The following ROCK1 variants were observed in gnomAD, a reference collection of about 807,000 sequenced individuals.
ROCK1 encodes the protein Rho associated coiled-coil containing protein kinase 1, also known as rho-associated protein kinase 1.
Under a neutral mutation model 196.8 loss-of-function variants are expected in ROCK1, and 36 were observed. The ratio of observed to expected loss-of-function variants is 0.18; its 90% CI spans 0.14 to 0.24. The LOEUF (loss-of-function observed/expected upper bound fraction) is 0.24, where lower values mean the gene tolerates loss of function less well. Ranked by LOEUF, ROCK1 falls within the 10% of genes least tolerant of loss-of-function variation. ROCK1 has a pLI of 1.00. For missense variants in ROCK1, 920 were observed against 1,562.0 expected (o/e 0.59, Z 6.93); for synonymous variants, 443 against 515.9 (o/e 0.86, Z 1.91).
At position 20,970,500 on chromosome 18, in the gene ROCK1, T is replaced by C. The variant is rs756025138; in HGVS notation, c.2668A>G (p.Thr890Ala). ...TTTGTTTCTGCTAGATCCAACTGAG[T>C]AGCAAGAGTTTCTCTGCAACAATTT... ...ELQNEKETLA[T>A]QLDLAETKAE... Residue 890 changes from threonine to alanine, a missense_variant, in exon 23 of 33, where the codon ACT (threonine) becomes GCT (alanine). By Grantham distance (58) the Thr-to-Ala change is moderately conservative. This residue lies in a region of ROCK1 where 520 missense variants were observed against 657.1 expected (regional missense o/e 0.79). Coordinates refer to ENST00000399799, the MANE Select transcript of ROCK1 (RefSeq NM_005406.3). 3 of 1,599,788 alleles carry C rather than the reference T, an allele frequency of 1.9e-6. No individual in the cohort carries two copies. Among genetic ancestry groups the C allele is most frequent in the South Asian group, 2.2e-5 (2 of 89,058 alleles).
intron 27 of ROCK1, among the ~76,000 whole-genome samples, chr18:20,960,466 C>T (rs1352709121): frequency 6.6e-6 from 1 of 151,822 alleles, no homozygotes; most frequent in Non-Finnish European, 1.5e-5. Flanking sequence ...TAACAATACC[C>T]TTAAGAGCCA....
intron 3 of ROCK1, among the ~76,000 whole-genome samples, chr18:21,049,528 AG>A (rs1221492180): frequency 1.3e-5 from 2 of 152,194 alleles, no homozygotes; most frequent in Admixed American, 1.3e-4. Context: ...ACAGCATTTT[AG>A]TCTAATATTA....
intron 1 of ROCK1, among the ~76,000 whole-genome samples, chr18:21,080,741 T>C (rs2143569181): frequency 6.6e-6 from 1 of 152,144 alleles, no homozygotes; most frequent in South Asian, 2.1e-4. Context: ...AAAAAAATGG[T>C]TAACAGACAA....
intron 13 of ROCK1, among the ~76,000 whole-genome samples, chr18:21,014,828 G>A (rs1194547976): frequency 1.3e-5 from 2 of 152,188 alleles, no homozygotes; most frequent in African/African-American, 4.8e-5. Flanking sequence ...AGACTACAGA[G>A]AGTGTATTTC....
intron 2 of ROCK1, among the ~76,000 whole-genome samples, chr18:21,050,097 C>T (rs2036191994): frequency 1.3e-5 from 2 of 152,022 alleles, no homozygotes; most frequent in Non-Finnish European, 1.5e-5. Flanking sequence ...ATTACAACTA[C>T]TAAAGGTTTT....
chr18:20,950,563 AC>A lies in ROCK1; in HGVS notation c.*820del, dbSNP rs2143309631. The A allele has an allele frequency of 6.6e-6, 1 of 152,012 alleles. No homozygotes were observed. The highest frequency in any genetic ancestry group is 1.5e-5 in the Non-Finnish European group (1 of 67,856). The allele number at this position is 152,012 out of a possible 1,614,324, so 9.4% of individuals were successfully genotyped here. ...TAACTTAATGTCTTTATCATTTAAAACCACAAAGAAATACATTATACAATTA... is the reference window on the plus strand; with the variant it reads ...TAACTTAATGTCTTTATCATTTAAAACACAAAGAAATACATTATACAATTA... On this transcript the variant is annotated 3_prime_UTR_variant, in exon 33 of 33. Transcript: ENST00000399799.
intron 21 of ROCK1, 85 bp from the exon 22 acceptor site, chr18:20,980,089 C>T: frequency 7.3e-7 from 1 of 1,373,428 alleles, no homozygotes; most frequent in Non-Finnish European, 9.5e-7. Context: ...AAAAAATTAA[C>T]ATATGATCCA....
intron 16 of ROCK1, among the ~76,000 whole-genome samples, chr18:21,005,133 A>C (rs1442725509): frequency 6.6e-6 from 1 of 152,210 alleles, no homozygotes; most frequent in Non-Finnish European, 1.5e-5. Flanking sequence ...TGCTAACAGG[A>C]ATAGAAAATA....
intron 9 of ROCK1, among the ~76,000 whole-genome samples, chr18:21,038,814 G>A (rs9946941): frequency 0.035 from 5,323 of 152,266 alleles, 325 homozygotes; most frequent in African/African-American, 0.12. Flanking sequence ...CCAAATCCAC[G>A]AAGATGATGA....
intron 1 of ROCK1, among the ~76,000 whole-genome samples, chr18:21,096,483 G>A (rs1042535591): frequency 6.6e-6 from 1 of 152,172 alleles, no homozygotes; most frequent in African/African-American, 2.4e-5. Context: ...TTACAGGCGT[G>A]AGCCACCATG....
chr18:20,959,004 ATT>A (rs1158963040), intron 29 of ROCK1, among the ~76,000 whole-genome samples: 2 of 81,294 alleles, frequency 2.5e-5, no homozygotes, highest in Non-Finnish European at 4.4e-5. Flanking sequence ...TAATATATAT[ATT>A]TTATATAATA....
At chr18:20,951,861 G>C in intron 32 of ROCK1, among the ~76,000 whole-genome samples, 1 of 152,240 alleles carries the variant, frequency 6.6e-6, no homozygotes, top group East Asian at 1.9e-4. Context: ...TTAGGTCTCA[G>C]CTTCTAATTC....
At position 21,010,346 on chromosome 18, in the gene ROCK1, C is replaced by T. The variant is rs188477528; in HGVS notation, c.1411-2152G>A. 9.4e-3 allele frequency among the ~76,000 whole-genome samples: 1,428 copies of T among 152,216 alleles called. 25 individuals carry two copies. The highest frequency in any genetic ancestry group is 0.033 in the African/African-American group (1,351 of 41,536). On this transcript the variant is annotated intron_variant, in intron 13 of 32. Transcript: ENST00000399799. ...TAAGCATTTAGTGCTATAAATTAAC[C>T]TTCATCACCATGTTAACAGCATCTC...
At position 21,108,330 on chromosome 18, in the gene ROCK1, C is replaced by A. The variant is rs553426697; in HGVS notation, c.93+2488G>T. ...CCACTCTTCCTCTTTGTTCAACCTT[C>A]ATCTTTCACCCTCATTTTTCCCTCC... On this transcript the variant is annotated intron_variant, in intron 1 of 32. Coordinates refer to ENST00000399799, the MANE Select transcript of ROCK1 (RefSeq NM_005406.3). Among the ~76,000 whole-genome samples, 6 of 152,286 alleles carry A rather than the reference C, an allele frequency of 3.9e-5. No homozygotes were observed. The South Asian group carries it at 1.2e-3, about 32-fold the overall frequency.
At position 20,982,376 on chromosome 18, in the gene ROCK1, T is replaced by A. The variant is rs28688499; in HGVS notation, c.2559+387A>T. On this transcript the variant is annotated intron_variant, in intron 21 of 32. Transcript: ENST00000399799. ...AAGCAATTCTCCTGCCTCAGCCTCC[T>A]GAGTAGCTGCGACTACAGGTGCCTG... 9.3e-3 allele frequency among the ~76,000 whole-genome samples: 1,420 copies of A among 152,280 alleles called. 17 individuals are homozygous for A. The highest frequency in any genetic ancestry group is 0.033 in the African/African-American group (1,367 of 41,550).
intron 18 of ROCK1, among the ~76,000 whole-genome samples, chr18:20,988,219 C>T (rs961926226): frequency 1.3e-5 from 2 of 152,138 alleles, no homozygotes; most frequent in South Asian, 4.1e-4. Context: ...GTACGCACCA[C>T]TACACGCAGC....
At chr18:20,959,105 A>ATATATTTTATATAATATATATAT (rs1568367428) in intron 29 of ROCK1, among the ~76,000 whole-genome samples, 2 of 33,924 alleles carry the variant, frequency 5.9e-5, no homozygotes, top group African/African-American at 4.7e-4. Context: ...TATATATATT[A>ATATATTTTATATAATATATATAT]TATATATATT....
At position 20,986,953 on chromosome 18, in the gene ROCK1, A is replaced by G. The variant is rs1422852840; in HGVS notation, c.2301T>C (p.Asp767=). The change falls in exon 19 of 33, where the codon GAT becomes GAC. Residue 767 remains aspartate (D), a synonymous_variant. Coordinates refer to ENST00000399799, the MANE Select transcript of ROCK1 (RefSeq NM_005406.3). ...AAGTCAGTACTATTTTTCTTACTTC[A>G]TCCTCCATCCTTTCTTTATTTCCAG... ...HLTGNKERME[D]EVKNLTLQLE... 3 of 1,588,792 alleles carry G rather than the reference A, an allele frequency of 1.9e-6. No homozygotes were observed. Among genetic ancestry groups the G allele is most frequent in the Non-Finnish European group, 2.6e-6 (3 of 1,172,452 alleles).
At position 20,947,656 on chromosome 18, in the gene ROCK1, ATATGAC is replaced by A. The variant is rs1448358927; in HGVS notation, c.*3722_*3727del. On this transcript the variant is annotated 3_prime_UTR_variant, in exon 33 of 33. Transcript: ENST00000399799. ...AACATAATCTCATCGGATTGTCATT[ATATGAC>A]TATTTATTAACCTAATGATCAACTT... 5.9e-5 allele frequency: 9 copies of A among 152,224 alleles called. No homozygotes were observed. The highest frequency in any genetic ancestry group is 5.8e-4 in the East Asian group (3 of 5,192). 9.4% of individuals were successfully genotyped at this position (152,224 alleles called of 1,614,324 possible).
Sources: gnomAD v4.1 joint callset for allele counts (sites outside exome capture counted in the v4.1 genomes callset) on GRCh38, gnomAD v4.1.1 for gene constraint, gnomAD v4.1.1 regional missense constraint, MANE v1.5 for transcripts, NCBI Gene and HGNC (gene_info 2026-07-23, HGNC 2026-07-21) for gene names.